GID8: variants seen among roughly 807,000 people sequenced by gnomAD.
The protein encoded by GID8 is GID complex subunit 8 homolog, also known as glucose-induced degradation protein 8 homolog.
In GID8, 6 loss-of-function variants were observed where a neutral mutation model predicts 27.4. The ratio of observed to expected loss-of-function variants is 0.22; its 90% CI spans 0.12 to 0.43. The LOEUF (loss-of-function observed/expected upper bound fraction) is 0.43, where lower values mean the gene tolerates loss of function less well. Ranked by LOEUF, GID8 falls within the 20% of genes least tolerant of loss-of-function variation. The pLI is 1.00. For synonymous variants in GID8, 112 were observed against 109.0 expected, an observed-to-expected ratio of 1.03 and a Z score of -0.17; for missense variants, 173 against 287.6, an observed-to-expected ratio of 0.60 and a Z score of 2.88.
At position 62,946,000 on chromosome 20, in the gene GID8, A is replaced by G; in HGVS notation, c.*1088A>G. The G allele has an allele frequency of 1.6e-6, 2 of 1,288,928 alleles. No homozygotes were observed. Among genetic ancestry groups the G allele is most frequent in the Non-Finnish European group, 2.0e-6 (2 of 988,438 alleles). 79.8% of individuals were successfully genotyped at this position (1,288,928 alleles called of 1,614,324 possible). A position where few individuals can be genotyped will look rare whatever the true frequency, so the allele number is the denominator to read the frequency against. ...GTGGTGGGCAGGAGGGAAGTGGTGC[A>G]GGGCTGCGTGCATTGCCTGCGAGTC... On this transcript the variant is annotated 3_prime_UTR_variant, in exon 5 of 5. Transcript: ENST00000266069.
Position 62,945,180 on chromosome 20 carries a change from C to G in GID8, c.*268C>G. Reference sequence around the variant, plus strand: ...TCTGGAAGGTTGCGGTTTGCTCTTCCAGTGTTCGGGGGCCTCTGGCTGCTG... The same window carrying G: ...TCTGGAAGGTTGCGGTTTGCTCTTCGAGTGTTCGGGGGCCTCTGGCTGCTG... On this transcript the variant is annotated 3_prime_UTR_variant, in exon 5 of 5. Coordinates refer to ENST00000266069, the MANE Select transcript of GID8 (RefSeq NM_017896.3). 3 of 1,230,550 alleles carry G rather than the reference C, an allele frequency of 2.4e-6. No homozygotes were observed. Among genetic ancestry groups the G allele is most frequent in the Non-Finnish European group, 3.1e-6 (3 of 978,934 alleles). The allele number at this position is 1,230,550 out of a possible 1,614,324, so 76.2% of individuals were successfully genotyped here.
Position 62,941,485 on chromosome 20 carries a change from C to T in GID8, c.-12-6C>T. The T allele has an allele frequency of 6.7e-7, 1 of 1,481,656 alleles. No homozygotes were observed. Among genetic ancestry groups the T allele is most frequent in the Non-Finnish European group, 9.4e-7 (1 of 1,059,634 alleles). 91.8% of individuals were successfully genotyped at this position (1,481,656 alleles called of 1,614,324 possible). A position where few individuals can be genotyped will look rare whatever the true frequency, so the allele number is the denominator to read the frequency against. On this transcript the variant is annotated splice_region_variant and splice_polypyrimidine_tract_variant and intron_variant, in intron 1 of 4. Coordinates refer to ENST00000266069, the MANE Select transcript of GID8 (RefSeq NM_017896.3). ...CCCTCCCTCAGCTGTTATTTTTTTC[C>T]TGTAGAAATAAATCAGAATGAGTTA...
intron 1 of GID8, among the ~76,000 whole-genome samples, chr20:62,939,578 A>G (rs555430807): frequency 6.6e-6 from 1 of 152,056 alleles, no homozygotes; most frequent in African/African-American, 2.4e-5. Flanking sequence ...CTTCCTCCTT[A>G]TTTGTGGCCC....
intron 1 of GID8, among the ~76,000 whole-genome samples, chr20:62,941,282 G>A (rs2065442431): frequency 2.0e-5 from 3 of 152,234 alleles, no homozygotes; most frequent in South Asian, 2.1e-4. Context: ...AGCACAGTCC[G>A]TTCTCCTGAT....
Position 62,943,321 on chromosome 20 carries a change from C to A in GID8, c.315+138C>A. ...TGTGAGGGGGAGAGGTTTGAGTTTG[C>A]TCTTTTATGTAGTTCAGAAGCGGTT... On this transcript the variant is annotated intron_variant, in intron 3 of 4. Coordinates refer to ENST00000266069, the MANE Select transcript of GID8 (RefSeq NM_017896.3). The surrounding 1 kb of genome is among the most constrained non-coding windows in gnomAD (Gnocchi z 4.7). 1.1e-6 allele frequency: 1 copy of A among 931,262 alleles called. No homozygotes were observed. The highest frequency in any genetic ancestry group is 1.6e-6 in the Non-Finnish European group (1 of 613,004). 57.7% of individuals were successfully genotyped at this position (931,262 alleles called of 1,614,324 possible). A position where few individuals can be genotyped will look rare whatever the true frequency, so the allele number is the denominator to read the frequency against.
chr20:62,945,735 C>T lies in GID8; in HGVS notation c.*823C>T, dbSNP rs539715542. 2.4e-5 allele frequency: 29 copies of T among 1,208,972 alleles called. No individual in the cohort carries two copies. The highest frequency in any genetic ancestry group is 2.9e-5 in the Admixed American group (1 of 34,312). The allele number at this position is 1,208,972 out of a possible 1,614,324, so 74.9% of individuals were successfully genotyped here. A position where few individuals can be genotyped will look rare whatever the true frequency, so the allele number is the denominator to read the frequency against. ...ATAGCGGCAGTGGCTTTTTCTGGTA[C>T]CTGCAGCTGGAAAGGCCACTTGGCC... On this transcript the variant is annotated 3_prime_UTR_variant, in exon 5 of 5. Coordinates refer to ENST00000266069, the MANE Select transcript of GID8 (RefSeq NM_017896.3).
At position 62,947,406 on chromosome 20, in the gene GID8, T is replaced by C. The variant is rs1418074106; in HGVS notation, c.*2494T>C. On this transcript the variant is annotated 3_prime_UTR_variant, in exon 5 of 5. Transcript: ENST00000266069. ...TAAGCCACTTTGGGATAATGAACAT[T>C]CAGTATAATTCTACTTTGTCTCATT... The C allele has an allele frequency of 6.6e-6, 1 of 152,502 alleles. No individual in the cohort carries two copies. Among genetic ancestry groups the C allele is most frequent in the Non-Finnish European group, 1.5e-5 (1 of 68,042 alleles). The allele number at this position is 152,502 out of a possible 1,614,324, so 9.4% of individuals were successfully genotyped here. A position where few individuals can be genotyped will look rare whatever the true frequency, so the allele number is the denominator to read the frequency against.
Position 62,945,252 on chromosome 20 carries a change from A to G in GID8, c.*340A>G, listed in dbSNP as rs557750824. The stretch of plus-strand genomic sequence containing the variant: ...GGGCTGTGCTGTTAGGCTGCATCCC[A>G]CTCAAAATACAGGAAAAGCACGAAT... On this transcript the variant is annotated 3_prime_UTR_variant, in exon 5 of 5. Transcript: ENST00000266069. 4 of 1,045,364 alleles carry G rather than the reference A, an allele frequency of 3.8e-6. No homozygotes were observed. In the East Asian group the frequency reaches 2.2e-4, roughly 58 times the overall value. 64.8% of individuals were successfully genotyped at this position (1,045,364 alleles called of 1,614,324 possible).
intron 2 of GID8, 139 bp from the exon 3 acceptor site, chr20:62,942,848 T>G (rs1273577689): frequency 1.6e-6 from 1 of 618,846 alleles, no homozygotes; most frequent in Non-Finnish European, 2.9e-6. Context: ...ATTATAAAGA[T>G]ATTAATACCG....
Position 62,944,694 on chromosome 20 carries a change from G to A in GID8, c.514-45G>A, listed in dbSNP as rs1201057107. On this transcript the variant is annotated intron_variant, in intron 4 of 4. Coordinates refer to ENST00000266069, the MANE Select transcript of GID8 (RefSeq NM_017896.3). ...CCTCTTTTTAATAGACTCTGCTGGT[G>A]CTCTGCGTGTATGGTGGTTTTTATC... The A allele has an allele frequency of 2.3e-6, 3 of 1,318,100 alleles. No homozygotes were observed. In the African/African-American group the frequency reaches 4.3e-5, roughly 19 times the overall value. 81.7% of individuals were successfully genotyped at this position (1,318,100 alleles called of 1,614,324 possible).
chr20:62,939,766 G>A (rs2147627735), intron 1 of GID8, among the ~76,000 whole-genome samples: 1 of 152,274 alleles, frequency 6.6e-6, no homozygotes, highest in South Asian at 2.1e-4. Context: ...CTAAGGGACT[G>A]GCTGCTCAGA....
chr20:62,945,095 A>G lies in GID8; in HGVS notation c.*183A>G. The G allele has an allele frequency of 1.4e-6, 2 of 1,406,060 alleles. No homozygotes were observed. Among genetic ancestry groups the G allele is most frequent in the Non-Finnish European group, 1.8e-6 (2 of 1,082,902 alleles). 87.1% of individuals were successfully genotyped at this position (1,406,060 alleles called of 1,614,324 possible). A position where few individuals can be genotyped will look rare whatever the true frequency, so the allele number is the denominator to read the frequency against. ...TGTAGGCAGTGGAAAACTTGCAAGG[A>G]AAGCTGCCGTCTCTTTGGCAGTCTG... On this transcript the variant is annotated 3_prime_UTR_variant, in exon 5 of 5. Coordinates refer to ENST00000266069, the MANE Select transcript of GID8 (RefSeq NM_017896.3).
In GID8 at chr20:62,943,718, C is replaced by A; in HGVS notation, c.513+26C>A. 2 of 1,575,766 alleles carry A rather than the reference C, an allele frequency of 1.3e-6. No individual in the cohort carries two copies. Among genetic ancestry groups the A allele is most frequent in the Non-Finnish European group, 1.7e-6 (2 of 1,146,258 alleles). On this transcript the variant is annotated intron_variant, in intron 4 of 4. Transcript: ENST00000266069. The surrounding 1 kb of genome is among the most constrained non-coding windows in gnomAD (Gnocchi z 4.7). Reference sequence around the variant, plus strand: ...GTGGGGCCTGCCAGAGGGAAGCTTTCTTCCATTCCCCATGTGCTCTGAGGG... The same window carrying A: ...GTGGGGCCTGCCAGAGGGAAGCTTTATTCCATTCCCCATGTGCTCTGAGGG...
rs765295991 is a variant in GID8 at position 62,945,815 on chromosome 20, C to T, written c.*903C>T. 34 of 1,287,576 alleles carry T rather than the reference C, an allele frequency of 2.6e-5. No homozygotes were observed. The East Asian group carries it at 2.8e-4, about 11-fold the overall frequency. 79.8% of individuals were successfully genotyped at this position (1,287,576 alleles called of 1,614,324 possible). A position where few individuals can be genotyped will look rare whatever the true frequency, so the allele number is the denominator to read the frequency against. The stretch of plus-strand genomic sequence containing the variant: ...CGAGGCAGCCCTTGGCCGGTGGGGA[C>T]GCAGAGCCCCAGCAGGTGGTGCACG... On this transcript the variant is annotated 3_prime_UTR_variant, in exon 5 of 5. Coordinates refer to ENST00000266069, the MANE Select transcript of GID8 (RefSeq NM_017896.3).
At position 62,945,939 on chromosome 20, in the gene GID8, C is replaced by A; in HGVS notation, c.*1027C>A. On this transcript the variant is annotated 3_prime_UTR_variant, in exon 5 of 5. Coordinates refer to ENST00000266069, the MANE Select transcript of GID8 (RefSeq NM_017896.3). ...ATCGTCAGCTGGCTCTGCCGATGTC[C>A]TGCTTCTGTTCACTCACAGAACTGT... The A allele has an allele frequency of 7.8e-7, 1 of 1,289,434 alleles. No individual in the cohort carries two copies. Among genetic ancestry groups the A allele is most frequent in the Non-Finnish European group, 1.0e-6 (1 of 988,816 alleles). 79.9% of individuals were successfully genotyped at this position (1,289,434 alleles called of 1,614,324 possible).
intron 1 of GID8, among the ~76,000 whole-genome samples, chr20:62,941,236 T>C (rs903529717): frequency 6.6e-6 from 1 of 152,264 alleles, no homozygotes; most frequent in Non-Finnish European, 1.5e-5. Context: ...GGAGCACACA[T>C]GTTCAGCTTT....
chr20:62,943,262 G>T lies in GID8; in HGVS notation c.315+79G>T. On this transcript the variant is annotated intron_variant, in intron 3 of 4. Transcript: ENST00000266069. This position sits in a 1 kb window ranked among gnomAD's most constrained non-coding sequence, Gnocchi z 4.7. ...ATTTGCAATGATTGAGAAATAACTA[G>T]GCTAATTTGCTTTAATAATGTTATT... The T allele has an allele frequency of 8.5e-7, 1 of 1,182,810 alleles. No homozygotes were observed. The highest frequency in any genetic ancestry group is 1.4e-5 in the South Asian group (1 of 71,720). The allele number at this position is 1,182,810 out of a possible 1,614,324, so 73.3% of individuals were successfully genotyped here. A position where few individuals can be genotyped will look rare whatever the true frequency, so the allele number is the denominator to read the frequency against.
rs1425843653 is a variant in GID8, at chr20:62,945,772, G to C, written c.*860G>C. 1.8e-5 allele frequency: 23 copies of C among 1,262,696 alleles called. No homozygotes were observed. Among genetic ancestry groups the C allele is most frequent in the Non-Finnish European group, 2.4e-5 (23 of 972,210 alleles). The allele number at this position is 1,262,696 out of a possible 1,614,324, so 78.2% of individuals were successfully genotyped here. A position where few individuals can be genotyped will look rare whatever the true frequency, so the allele number is the denominator to read the frequency against. On this transcript the variant is annotated 3_prime_UTR_variant, in exon 5 of 5. Coordinates refer to ENST00000266069, the MANE Select transcript of GID8 (RefSeq NM_017896.3). ...AAGGCCACTTGGCCCTGTGCTGAGT[G>C]AGCGGCCTTCATTAGAGCGAGGCAG...
rs955993674 is a variant in GID8 at position 62,945,540 on chromosome 20, G to A, written c.*628G>A. On this transcript the variant is annotated 3_prime_UTR_variant, in exon 5 of 5. Coordinates refer to ENST00000266069, the MANE Select transcript of GID8 (RefSeq NM_017896.3). ...TAATTTTTTAAATATATATTTTGGT[G>A]CTGTGTGTGGTAAGAGACTTGTTCC... 5.6e-6 allele frequency: 6 copies of A among 1,069,576 alleles called. No individual in the cohort carries two copies. The African/African-American group carries it at 1.0e-4, about 18-fold the overall frequency. The allele number at this position is 1,069,576 out of a possible 1,614,324, so 66.3% of individuals were successfully genotyped here. A position where few individuals can be genotyped will look rare whatever the true frequency, so the allele number is the denominator to read the frequency against.
Sources: allele counts gnomAD v4.1 joint callset (sites outside exome capture counted in the v4.1 genomes callset), GRCh38; gene constraint gnomAD v4.1.1; non-coding constraint Gnocchi (gnomAD v3.1); transcripts MANE v1.5; gene names NCBI Gene and HGNC (gene_info 2026-07-23, HGNC 2026-07-21).